Variants in RMI1 observed in about 807,000 individuals in gnomAD.
RMI1 encodes the protein RecQ mediated genome instability 1, also known as recQ-mediated genome instability protein 1.
Under a neutral mutation model 46.7 loss-of-function variants are expected in RMI1, and 36 were observed. The observed-to-expected ratio is 0.77, with a 90% CI of 0.59 to 1.02. The LOEUF (loss-of-function observed/expected upper bound fraction) is 1.02, where lower values mean the gene tolerates loss of function less well. Ranked by LOEUF, RMI1 falls within the 50% of genes least tolerant of loss-of-function variation. The probability of loss-of-function intolerance (pLI) is 0.00; values close to 1 mark genes in which losing one functional copy is unlikely to be tolerated. For missense variants in RMI1, 676 were observed against 713.7 expected (o/e 0.95, Z 0.60); for synonymous variants, 250 against 252.9 (o/e 0.99, Z 0.11).
chr9:83,988,335 G>A (rs745513529), intron 1 of RMI1, among the ~76,000 whole-genome samples: 13 of 152,054 alleles, frequency 8.5e-5, no homozygotes, highest in Non-Finnish European at 1.3e-4. Flanking sequence ...ACAGGGTCTT[G>A]CTCTATCGCC....
intron 1 of RMI1, among the ~76,000 whole-genome samples, chr9:83,986,190 C>A (rs191552306): frequency 6.6e-5 from 10 of 152,304 alleles, no homozygotes; most frequent in African/African-American, 2.4e-4. Flanking sequence ...TTAACCGCAG[C>A]ACTATGTCGA....
intron 1 of RMI1, among the ~76,000 whole-genome samples, chr9:83,986,547 C>T (rs1005121465): frequency 6.6e-6 from 1 of 152,124 alleles, no homozygotes; most frequent in Non-Finnish European, 1.5e-5. Context: ...CTTCATGCCT[C>T]AGTTTCATCA....
intron 1 of RMI1, among the ~76,000 whole-genome samples, chr9:83,988,573 G>A (rs1957525738): frequency 6.6e-6 from 1 of 152,114 alleles, no homozygotes; most frequent in Non-Finnish European, 1.5e-5. Context: ...CAAAGTGCTG[G>A]GATTACAGGC....
In RMI1 at chr9:84,002,831, C is replaced by T. The variant is rs2133134874; in HGVS notation, c.1845C>T (p.His615=). 2 of 1,558,700 alleles carry T rather than the reference C, an allele frequency of 1.3e-6. No homozygotes were observed. Among genetic ancestry groups the T allele is most frequent in the Non-Finnish European group, 8.7e-7 (1 of 1,144,174 alleles). The change falls in exon 3 of 3, where the codon CAC becomes CAT. Residue 615 remains histidine, a synonymous_variant. Transcript: ENST00000445877. Reference sequence around the variant, plus strand: ...CATTACAAGATGTTAATATGGAACACCTTGAGAATCTAAAGAAGCGGTTAA... The same window carrying T: ...CATTACAAGATGTTAATATGGAACATCTTGAGAATCTAAAGAAGCGGTTAA... The part of the protein sequence containing the change: ...VLALQDVNME[H]LENLKKRLNK
intron 1 of RMI1, among the ~76,000 whole-genome samples, chr9:83,999,285 A>G (rs1957704843): frequency 6.6e-6 from 1 of 152,114 alleles, no homozygotes; most frequent in African/African-American, 2.4e-5. Flanking sequence ...GTATACATTT[A>G]CTGAGTTCTC....
intron 1 of RMI1, among the ~76,000 whole-genome samples, chr9:83,981,967 C>A (rs1180785277): frequency 6.6e-6 from 1 of 152,136 alleles, no homozygotes; most frequent in Non-Finnish European, 1.5e-5. Context: ...AACATAATGT[C>A]CGGGATTGTG....
Position 84,002,871 on chromosome 9 carries a change from T to A in RMI1, c.*7T>A. 7.1e-7 allele frequency: 1 copy of A among 1,403,266 alleles called. No homozygotes were observed. The highest frequency in any genetic ancestry group is 9.7e-7 in the Non-Finnish European group (1 of 1,026,032). The allele number at this position is 1,403,266 out of a possible 1,614,324, so 86.9% of individuals were successfully genotyped here. On this transcript the variant is annotated 3_prime_UTR_variant, in exon 3 of 3. Coordinates refer to ENST00000445877, the MANE Select transcript of RMI1 (RefSeq NM_001358291.2). ...GAAGCGGTTAAATAAATAATTAAAC[T>A]AAAATAGTATTAGGAACAATTAAAA... is the stretch of plus-strand genomic sequence containing the variant.
intron 1 of RMI1, among the ~76,000 whole-genome samples, chr9:83,985,312 T>A (rs1957473662): frequency 6.6e-6 from 1 of 152,242 alleles, no homozygotes; most frequent in African/African-American, 2.4e-5. Context: ...CAATCCTACT[T>A]TCTACTTTGT....
intron 1 of RMI1, among the ~76,000 whole-genome samples, chr9:83,989,180 T>C (rs1957532427): frequency 3.9e-5 from 6 of 152,184 alleles, no homozygotes; most frequent in Admixed American, 3.9e-4. Context: ...TTCAAATCTC[T>C]TTCTTATTTT....
In RMI1 at chr9:84,001,575, C is replaced by G. The variant is rs1021883211; in HGVS notation, c.589C>G (p.Leu197Val). 1.9e-6 allele frequency: 3 copies of G among 1,613,930 alleles called. No individual in the cohort carries two copies. Among genetic ancestry groups the G allele is most frequent in the Middle Eastern group, 1.6e-4 (1 of 6,062 alleles). Residue 197 changes from leucine (L) to valine (V), a missense_variant, in exon 3 of 3, where the codon CTT becomes GTT. By Grantham distance (32) the Leu-to-Val change is conservative. Coordinates refer to ENST00000445877, the MANE Select transcript of RMI1 (RefSeq NM_001358291.2). ...VKVLGGEVDALLEEYAQEKVL... is the reference protein window; with the variant it reads ...VKVLGGEVDAVLEEYAQEKVL... ...AGTGTTAGGAGGTGAAGTAGATGCT[C>G]TTTTAGAAGAATATGCCCAAGAAAA...
At chr9:83,997,057 T>TG in intron 1 of RMI1, among the ~76,000 whole-genome samples, 1 of 147,978 alleles carries the variant, frequency 6.8e-6, no homozygotes, top group South Asian at 2.2e-4. Context: ...CTTTTTTTTT[T>TG]GGCAGGGCTC....
At chr9:84,000,331 G>A (rs1164142491) in intron 2 of RMI1, among the ~76,000 whole-genome samples, 1 of 152,116 alleles carries the variant, frequency 6.6e-6, no homozygotes, top group Non-Finnish European at 1.5e-5. Context: ...TAATTCATAA[G>A]TTTTAAATTT....
chr9:83,982,666 TCAAAAACAAAAA>T (rs901707758), intron 1 of RMI1, among the ~76,000 whole-genome samples: 2 of 151,096 alleles, frequency 1.3e-5, no homozygotes, highest in African/African-American at 2.4e-5. Flanking sequence ...AGACCCTGTC[TCAAAAACAAAAA>T]CAAAAACAAA....
At chr9:83,991,932 T>C (rs968005896) in intron 1 of RMI1, among the ~76,000 whole-genome samples, 7 of 152,198 alleles carry the variant, frequency 4.6e-5, no homozygotes, top group Admixed American at 2.6e-4. Flanking sequence ...TCCAACTTTG[T>C]TTTTCTTTTT....
intron 1 of RMI1, among the ~76,000 whole-genome samples, chr9:83,995,764 G>C (rs937113681): frequency 2.6e-5 from 4 of 152,132 alleles, no homozygotes; most frequent in Admixed American, 2.6e-4. Context: ...CGTGTTCTAG[G>C]TAATTTCTAA....
At chr9:83,981,392 A>G (rs936700458) in intron 1 of RMI1, among the ~76,000 whole-genome samples, 3 of 152,356 alleles carry the variant, frequency 2.0e-5, no homozygotes, top group South Asian at 2.1e-4. Flanking sequence ...GTTCCATTCA[A>G]AGCGCCTGCC....
chr9:83,981,022 G>C (rs1330070384), intron 1 of RMI1, 131 bp downstream of exon 1: 1 of 152,392 alleles, frequency 6.6e-6, no homozygotes, highest in Non-Finnish European at 1.5e-5. Flanking sequence ...CGGGCCGTCT[G>C]CGTCCGCTGG....
intron 1 of RMI1, among the ~76,000 whole-genome samples, chr9:83,993,630 C>T (rs1957606174): frequency 1.3e-5 from 2 of 152,140 alleles, no homozygotes; most frequent in African/African-American, 4.8e-5. Flanking sequence ...TTTCCCACAT[C>T]CTCTCCAATA....
intron 1 of RMI1, among the ~76,000 whole-genome samples, chr9:83,992,108 C>A (rs1052097142): frequency 7.2e-5 from 11 of 152,152 alleles, no homozygotes; most frequent in African/African-American, 2.7e-4. Context: ...TCTTCTAATC[C>A]ATGAACACAT....
Sources: allele counts gnomAD v4.1 joint callset (sites outside exome capture counted in the v4.1 genomes callset), GRCh38; gene constraint gnomAD v4.1.1; transcripts MANE v1.5; gene names NCBI Gene and HGNC (gene_info 2026-07-23, HGNC 2026-07-21).